Variants in GRM5 observed in about 807,000 individuals in gnomAD.
GRM5 encodes the protein metabotropic glutamate receptor 5.
GRM5 carries 19 observed loss-of-function variants against 83.1 expected under a neutral mutation model. The ratio of observed to expected loss-of-function variants is 0.23; its 90% CI spans 0.16 to 0.34. The LOEUF (loss-of-function observed/expected upper bound fraction) is 0.34, where lower values mean the gene tolerates loss of function less well. GRM5 is among the 10% of genes least tolerant of loss of function. The probability of loss-of-function intolerance (pLI) is 1.00; values close to 1 mark genes in which losing one functional copy is unlikely to be tolerated. For synonymous variants in GRM5, 675 were observed against 633.6 expected, an observed-to-expected ratio of 1.07 and a Z score of -0.98; for missense variants, 1,160 against 1,588.3, an observed-to-expected ratio of 0.73 and a Z score of 4.58.
At chr11:88,986,846 T>A (rs572223690) in intron 2 of GRM5, among the ~76,000 whole-genome samples, 184 of 147,960 alleles carry the variant, frequency 1.2e-3, no homozygotes, top group African/African-American at 4.3e-3. Flanking sequence ...TGTTTTCACA[T>A]CTCACATTTA....
intron 5 of GRM5, 111 bp downstream of exon 5, chr11:88,604,607 A>T: frequency 1.1e-6 from 1 of 887,368 alleles, no homozygotes; most frequent in Non-Finnish European, 1.7e-6. Flanking sequence ...GGAAGGGGAA[A>T]CATTACCAGG....
At chr11:88,520,036 T>A (rs527754855) in intron 9 of GRM5, among the ~76,000 whole-genome samples, 72 of 152,320 alleles carry the variant, frequency 4.7e-4, no homozygotes, top group African/African-American at 1.7e-3. Context: ...TGATTTTAGA[T>A]TTTTCATGAG....
intron 2 of GRM5, among the ~76,000 whole-genome samples, chr11:88,967,857 C>A (rs542805880): frequency 1.3e-5 from 2 of 151,930 alleles, no homozygotes; most frequent in Admixed American, 1.3e-4. Context: ...CCAAGACAGA[C>A]CAAGAGGAAG....
chr11:89,030,495 C>A (rs1302926587), intron 2 of GRM5, among the ~76,000 whole-genome samples: 4 of 152,004 alleles, frequency 2.6e-5, no homozygotes, highest in Admixed American at 6.6e-5. Context: ...TATTTAATGT[C>A]TTTGTGCCTT....
chr11:88,656,715 C>T (rs987404566), intron 3 of GRM5, among the ~76,000 whole-genome samples: 4 of 151,482 alleles, frequency 2.6e-5, no homozygotes, highest in African/African-American at 7.3e-5. Flanking sequence ...TACAGTCAGC[C>T]CTTCATAACT....
At chr11:88,812,411 T>G (rs1410539852) in intron 3 of GRM5, among the ~76,000 whole-genome samples, 1 of 152,186 alleles carries the variant, frequency 6.6e-6, no homozygotes, top group Non-Finnish European at 1.5e-5. Context: ...CTAACACATT[T>G]ATCATAGAGA....
chr11:88,626,377 T>C (rs1423080502), intron 4 of GRM5, among the ~76,000 whole-genome samples: 1 of 151,846 alleles, frequency 6.6e-6, no homozygotes, highest in African/African-American at 2.4e-5. Context: ...CAATAAGAGT[T>C]TGCACTTAGT....
intron 3 of GRM5, among the ~76,000 whole-genome samples, chr11:88,846,160 A>T (rs1343149179): frequency 3.9e-5 from 6 of 152,210 alleles, no homozygotes; most frequent in Admixed American, 3.9e-4. Flanking sequence ...TTAATTATAG[A>T]TCAAATGAAA....
chr11:89,002,496 G>A (rs1201346778), intron 2 of GRM5, among the ~76,000 whole-genome samples: 1 of 152,076 alleles, frequency 6.6e-6, no homozygotes, highest in African/African-American at 2.4e-5. Context: ...AGCCTCTTTT[G>A]TAATGAATCC....
At chr11:88,944,678 C>T (rs1306325484) in intron 2 of GRM5, among the ~76,000 whole-genome samples, 1 of 151,662 alleles carries the variant, frequency 6.6e-6, no homozygotes, top group East Asian at 1.9e-4. Flanking sequence ...TTACAAAGGG[C>T]TTAAAACAAA....
chr11:88,648,871 G>C (rs527439788), intron 4 of GRM5, among the ~76,000 whole-genome samples: 4 of 150,666 alleles, frequency 2.7e-5, no homozygotes, highest in African/African-American at 9.8e-5. Context: ...TAACAGCGGT[G>C]TAATTGGATA....
chr11:89,019,829 A>C (rs771848763), intron 2 of GRM5, among the ~76,000 whole-genome samples: 25 of 152,232 alleles, frequency 1.6e-4, no homozygotes, highest in African/African-American at 5.1e-4. Flanking sequence ...AAGACAAATC[A>C]GACACCTTTG....
chr11:88,846,844 A>C (rs538971523), intron 3 of GRM5, among the ~76,000 whole-genome samples: 1 of 152,192 alleles, frequency 6.6e-6, no homozygotes, highest in African/African-American at 2.4e-5. Context: ...AATTTTCAGG[A>C]GGTAGCACTG....
intron 3 of GRM5, among the ~76,000 whole-genome samples, chr11:88,737,361 G>C (rs1411426200): frequency 1.3e-5 from 2 of 151,934 alleles, no homozygotes; most frequent in East Asian, 3.9e-4. Flanking sequence ...TTTTTCTCTG[G>C]GAGGCTTGGT....
chr11:88,697,221 T>C (rs1228860908), intron 3 of GRM5, among the ~76,000 whole-genome samples: 2 of 152,188 alleles, frequency 1.3e-5, no homozygotes, highest in East Asian at 3.8e-4. Context: ...TTTTTTATTT[T>C]CCCCTAAGGT....
chr11:88,686,456 A>C (rs1188669739), intron 3 of GRM5, among the ~76,000 whole-genome samples: 1 of 152,126 alleles, frequency 6.6e-6, no homozygotes, highest in African/African-American at 2.4e-5. Flanking sequence ...TTAATGCTTA[A>C]ATGAATTAAG....
chr11:88,666,342 T>A (rs1357862283), intron 3 of GRM5, among the ~76,000 whole-genome samples: 1 of 152,166 alleles, frequency 6.6e-6, no homozygotes, highest in Admixed American at 6.6e-5. Flanking sequence ...TTGTGCTGTA[T>A]CACAACAAGG....
intron 2 of GRM5, among the ~76,000 whole-genome samples, chr11:88,857,451 T>C (rs1277633382): frequency 6.6e-6 from 1 of 152,078 alleles, no homozygotes; most frequent in African/African-American, 2.4e-5. Context: ...TAATGTGAAT[T>C]AGAAGTGTTC....
intron 2 of GRM5, among the ~76,000 whole-genome samples, chr11:88,961,819 G>A (rs1308473526): frequency 1.3e-5 from 2 of 152,138 alleles, no homozygotes; most frequent in Admixed American, 6.5e-5. Context: ...GATCCTAGAA[G>A]GCAGAACCAA....
Sources: allele counts gnomAD v4.1 joint callset (sites outside exome capture counted in the v4.1 genomes callset), GRCh38; gene constraint gnomAD v4.1.1; transcripts MANE v1.5; gene names NCBI Gene and HGNC (gene_info 2026-07-23, HGNC 2026-07-21).